AQP7: variants seen among roughly 807,000 people sequenced by gnomAD.
AQP7 encodes aquaporin 7.
AQP7 carries 22 observed loss-of-function variants against 26.1 expected under a neutral mutation model. The observed-to-expected ratio is 0.84, with a 90% CI of 0.60 to 1.20. The LOEUF (loss-of-function observed/expected upper bound fraction) is 1.20. Among genes scored for constraint, AQP7 ranks in the 50% most tolerant of loss-of-function variants. The probability of loss-of-function intolerance (pLI) is 0.00; values close to 1 mark genes in which losing one functional copy is unlikely to be tolerated. For synonymous variants in AQP7, 167 were observed against 181.7 expected (o/e 0.92, Z 0.65); for missense variants, 412 against 457.5 (o/e 0.90, Z 0.91).
At chr9:33,396,916 CA>C (rs1439111228) in intron 2 of AQP7, among the ~76,000 whole-genome samples, 17 of 151,040 alleles carry the variant, frequency 1.1e-4, no homozygotes, top group African/African-American at 4.1e-4. Flanking sequence ...GGCAGTATGA[CA>C]AAACCTCATC....
At chr9:33,390,683 G>T (rs553062090) in intron 3 of AQP7, among the ~76,000 whole-genome samples, 2 of 152,134 alleles carry the variant, frequency 1.3e-5, no homozygotes, top group South Asian at 2.1e-4. Flanking sequence ...GGGGGTGCAG[G>T]GGGGAGTGAG....
At chr9:33,391,481 G>A (rs4080365) in intron 3 of AQP7, 181,850 of 328,164 alleles carry the variant, frequency 0.55, 55,541 homozygotes, top group East Asian at 0.76. Flanking sequence ...TCCAGGGCCC[G>A]GATGGCTCCA....
At chr9:33,394,959 C>G (rs1825726857) in intron 3 of AQP7, 119 bp downstream of exon 3, 1 of 884,458 alleles carries the variant, frequency 1.1e-6, no homozygotes, top group African/African-American at 1.7e-5. Context: ...CTGCTGCTTC[C>G]CCAGGCTCCC....
rs529625335 is a variant in AQP7, at chr9:33,395,081, CA to C, written c.140del (p.Met47ArgfsTer14). 2.2e-3 allele frequency: 3,619 copies of C among 1,610,760 alleles called. 5 individuals carry two copies. Among genetic ancestry groups the C allele is most frequent in the Non-Finnish European group, 2.8e-3 (3,304 of 1,177,384 alleles). On this transcript the variant is annotated frameshift_variant, in exon 3 of 8. Coordinates refer to ENST00000297988, the MANE Select transcript of AQP7 (RefSeq NM_001170.3). LOFTEE classifies it high-confidence loss of function. ...TTCGTGCTGCCCACCCACTCACCAT[CA>C]TGACATATGTGCTCATGAACTCGGC... ...FLAEFMSTYV[M>X]MVFGLGSVAH...
intron 3 of AQP7, among the ~76,000 whole-genome samples, chr9:33,389,187 C>T (rs535537852): frequency 1.6e-4 from 24 of 152,214 alleles, no homozygotes; most frequent in African/African-American, 5.5e-4. Context: ...GCCACCATGC[C>T]CAACTATTTT....
chr9:33,388,401 C>T (rs1423308662), intron 3 of AQP7, among the ~76,000 whole-genome samples: 2 of 152,296 alleles, frequency 1.3e-5, no homozygotes, highest in African/African-American at 4.8e-5. Flanking sequence ...GAGTGATCTT[C>T]CTAACAAAAA....
chr9:33,388,282 A>G (rs1243516444), intron 3 of AQP7, among the ~76,000 whole-genome samples: 1 of 152,130 alleles, frequency 6.6e-6, no homozygotes, highest in Non-Finnish European at 1.5e-5. Flanking sequence ...CCGTTGGCCG[A>G]GCCAGAAACA....
chr9:33,396,433 C>T (rs1825853091), intron 2 of AQP7, among the ~76,000 whole-genome samples: 1 of 87,918 alleles, frequency 1.1e-5, no homozygotes, highest in Non-Finnish European at 2.2e-5. Flanking sequence ...AGCGAGACTC[C>T]ATCTCAAAAA....
chr9:33,392,653 C>T (rs1825515209), intron 3 of AQP7, among the ~76,000 whole-genome samples: 1 of 152,166 alleles, frequency 6.6e-6, no homozygotes, highest in Non-Finnish European at 1.5e-5. Context: ...TAACAGCCCT[C>T]ATGGGGCTGG....
At chr9:33,400,477 GA>G (rs1337427257) in intron 2 of AQP7, among the ~76,000 whole-genome samples, 1 of 152,116 alleles carries the variant, frequency 6.6e-6, no homozygotes, top group Non-Finnish European at 1.5e-5. Context: ...CATGTTTGAA[GA>G]AAGCAAAGAA....
rs551487347 is a variant in AQP7, at chr9:33,386,215, C to T, written c.407-20G>A. 5.0e-6 allele frequency: 8 copies of T among 1,613,794 alleles called. No homozygotes were observed. In the Admixed American group the frequency reaches 1.3e-4, roughly 27 times the overall value. ...TGGCCGCTGCGGAGACACAGACTGTCATGCGAACCTGCTCCCAACTAAGCC... is the reference window on the plus strand; with the variant it reads ...TGGCCGCTGCGGAGACACAGACTGTTATGCGAACCTGCTCCCAACTAAGCC... On this transcript the variant is annotated intron_variant, in intron 5 of 7. Transcript: ENST00000297988.
chr9:33,399,438 T>TA (rs11392660), intron 2 of AQP7, among the ~76,000 whole-genome samples: 14,073 of 144,874 alleles, frequency 0.097, 2,136 homozygotes, highest in African/African-American at 0.33. Context: ...CCACTAATAA[T>TA]AAAAAAAAAA....
chr9:33,395,401 G>C, intron 2 of AQP7: 2 of 584,238 alleles, frequency 3.4e-6, no homozygotes, highest in Non-Finnish European at 6.1e-6. Context: ...TAGATGGCCA[G>C]GCCATGCCCC....
intron 3 of AQP7, chr9:33,394,311 T>C (rs1006071573): frequency 1.3e-5 from 2 of 152,152 alleles, no homozygotes; most frequent in Non-Finnish European, 2.9e-5. Flanking sequence ...CTTAACTGGT[T>C]CCCTCTTGCC....
At chr9:33,391,656 T>C (rs1343501922) in intron 3 of AQP7, 1 of 158,898 alleles carries the variant, frequency 6.3e-6, no homozygotes, top group African/African-American at 2.4e-5. Context: ...CTAGCTTTTT[T>C]GGCAAAACCT....
rs769206750 is a variant in AQP7 at position 33,395,200 on chromosome 9, G to C, written c.27-5C>G. ...ATTTTGGAGCCACGGGTGGACCTAA[G>C]ACAGTGGCCCGAGCCCATGGACAGA... On this transcript the variant is annotated splice_polypyrimidine_tract_variant and splice_region_variant and intron_variant, in intron 2 of 7. Transcript: ENST00000297988. 11 of 1,607,234 alleles carry C rather than the reference G, an allele frequency of 6.8e-6. No homozygotes were observed. The South Asian group carries it at 1.2e-4, about 18-fold the overall frequency.
intron 2 of AQP7, 27 bp downstream of exon 2, chr9:33,401,210 A>C: frequency 6.5e-7 from 1 of 1,548,722 alleles, no homozygotes; most frequent in East Asian, 2.4e-5. Flanking sequence ...AGGGGGCTGG[A>C]GGGTGAGAAG....
At chr9:33,396,412 T>C (rs1439377696) in intron 2 of AQP7, among the ~76,000 whole-genome samples, 1 of 119,154 alleles carries the variant, frequency 8.4e-6, no homozygotes, top group Non-Finnish European at 1.6e-5. Context: ...CACTCCAGCC[T>C]GGGCAACAAG....
chr9:33,388,518 C>T (rs1409302272), intron 3 of AQP7, among the ~76,000 whole-genome samples: 4 of 152,228 alleles, frequency 2.6e-5, no homozygotes, highest in African/African-American at 9.6e-5. Context: ...TTCATCCTTT[C>T]TGCCTGTTTC....
Sources: allele counts gnomAD v4.1 joint callset (sites outside exome capture counted in the v4.1 genomes callset), GRCh38; gene constraint gnomAD v4.1.1; transcripts MANE v1.5; gene names NCBI Gene and HGNC (gene_info 2026-07-23, HGNC 2026-07-21).